PLAA: variants seen among roughly 807,000 people sequenced by gnomAD.
PLAA encodes the protein phospholipase A-2-activating protein.
In PLAA, 48 loss-of-function variants were observed where a neutral mutation model predicts 84.1. The ratio of observed to expected loss-of-function variants is 0.57; its 90% confidence interval spans 0.45 to 0.73. The LOEUF is 0.73. Among genes scored for constraint, PLAA ranks in the 30% least tolerant of loss-of-function variants. The probability of loss-of-function intolerance (pLI) is 0.00; values close to 1 mark genes in which losing one functional copy is unlikely to be tolerated. For synonymous variants in PLAA, 392 were observed against 336.6 expected, an observed-to-expected ratio of 1.16 and a Z score of -1.80; for missense variants, 903 against 954.7, an observed-to-expected ratio of 0.95 and a Z score of 0.71.
At chr9:26,946,121 G>A (rs1167673642) in intron 1 of PLAA, among the ~76,000 whole-genome samples, 3 of 152,140 alleles carry the variant, frequency 2.0e-5, no homozygotes, top group Non-Finnish European at 4.4e-5. Context: ...CTAGCAGTGG[G>A]AGACCTACTA....
At chr9:26,915,285 C>A (rs1314101167) in intron 10 of PLAA, among the ~76,000 whole-genome samples, 1 of 151,772 alleles carries the variant, frequency 6.6e-6, no homozygotes, top group Non-Finnish European at 1.5e-5. Flanking sequence ...GGTGAGAGAT[C>A]AGAGCATGAA....
At chr9:26,942,272 C>CA (rs1825566508) in intron 1 of PLAA, among the ~76,000 whole-genome samples, 1 of 152,028 alleles carries the variant, frequency 6.6e-6, no homozygotes, top group Non-Finnish European at 1.5e-5. Context: ...AATAAAAATC[C>CA]AACATATGAG....
chr9:26,921,295 G>C (rs1449795298), intron 7 of PLAA, among the ~76,000 whole-genome samples: 1 of 152,112 alleles, frequency 6.6e-6, no homozygotes, highest in Admixed American at 6.6e-5. Flanking sequence ...TCCATCCTCC[G>C]AAGAATCATG....
chr9:26,910,475 G>T, intron 11 of PLAA, 36 bp from the exon 12 acceptor site: 1 of 1,497,896 alleles, frequency 6.7e-7, no homozygotes, highest in Non-Finnish European at 9.3e-7. Context: ...TAATCACAAG[G>T]AGTGATCAAA....
In PLAA at chr9:26,926,479, C is replaced by T. The variant is rs758563398; in HGVS notation, c.647G>A (p.Arg216Lys). ...AAGACACTCGCCAGTGATTTGCCAC[C>T]TTCTAATACTAGCATCATTTGCACA... ...LSCANDASIR[R>K]WQITGECLEV... Residue 216 changes from arginine to lysine, a missense_variant, in exon 5 of 14, where the codon AGG becomes AAG. Transcript: ENST00000397292. 6.2e-7 allele frequency: 1 copy of T among 1,612,786 alleles called. No homozygotes were observed. The highest frequency in any genetic ancestry group is 1.1e-5 in the South Asian group (1 of 91,056).
intron 7 of PLAA, 142 bp downstream of exon 7, chr9:26,923,036 T>C: frequency 1.8e-6 from 1 of 568,882 alleles, no homozygotes; most frequent in Non-Finnish European, 3.1e-6. Context: ...TTTCTCATAG[T>C]GATTATATGT....
chr9:26,930,581 A>ATT (rs35790139), intron 2 of PLAA, among the ~76,000 whole-genome samples: 4 of 139,154 alleles, frequency 2.9e-5, no homozygotes, highest in Admixed American at 7.2e-5. Flanking sequence ...CATCACTGAG[A>ATT]TTTTTTTTTT....
intron 1 of PLAA, among the ~76,000 whole-genome samples, chr9:26,937,074 A>G (rs1825383096): frequency 6.6e-6 from 1 of 151,868 alleles, no homozygotes; most frequent in South Asian, 2.1e-4. Context: ...CCGGGAGGAG[A>G]AGGTTGCAGT....
chr9:26,941,617 G>GA lies in PLAA; in HGVS notation c.149+5279dup, dbSNP rs112180111. Among the ~76,000 whole-genome samples the GA allele has an allele frequency of 4.9e-4, 74 of 152,246 alleles. No homozygotes were observed. The East Asian group carries it at 0.013, about 27-fold the overall frequency. Reference sequence around the variant, plus strand: ...AGATGAGAAAAAAACCAATATGGAGGAAAACAGACCATTAAGGAGGAAATA... The same window carrying GA: ...AGATGAGAAAAAAACCAATATGGAGGAAAAACAGACCATTAAGGAGGAAATA... On this transcript the variant is annotated intron_variant, in intron 1 of 13. Coordinates refer to ENST00000397292, the MANE Select transcript of PLAA (RefSeq NM_001031689.3).
At chr9:26,915,722 A>C in intron 10 of PLAA, 4 of 985,112 alleles carry the variant, frequency 4.1e-6, no homozygotes, top group Non-Finnish European at 3.6e-6. Flanking sequence ...GCATATCTAC[A>C]TAATTACTGC....
chr9:26,920,159 G>A, intron 8 of PLAA, 68 bp downstream of exon 8: 1 of 1,342,076 alleles, frequency 7.5e-7, no homozygotes, highest in Admixed American at 1.7e-5. Flanking sequence ...ATCACTATGG[G>A]GCAAAGGAAA....
At chr9:26,937,789 A>AT (rs1256536723) in intron 1 of PLAA, among the ~76,000 whole-genome samples, 1 of 152,140 alleles carries the variant, frequency 6.6e-6, no homozygotes, top group Admixed American at 6.5e-5. Flanking sequence ...TTGAAGACAG[A>AT]TTCAAGCAAG....
At chr9:26,916,738 C>T in intron 10 of PLAA, 1 of 964,938 alleles carries the variant, frequency 1.0e-6, no homozygotes, top group African/African-American at 1.8e-5. Context: ...TAGGCTCAGA[C>T]AGGTTAGGTA....
chr9:26,919,200 T>C (rs1182013293), intron 9 of PLAA, 110 bp downstream of exon 9: 3 of 601,270 alleles, frequency 5.0e-6, no homozygotes, highest in East Asian at 5.4e-5. Flanking sequence ...AACCCTGCTG[T>C]AGATATTGGT....
chr9:26,925,769 G>A, intron 6 of PLAA, 56 bp downstream of exon 6: 5 of 1,521,016 alleles, frequency 3.3e-6, no homozygotes, highest in Non-Finnish European at 3.6e-6. Flanking sequence ...GTACACTCTA[G>A]TTCCTACTGA....
At chr9:26,911,340 A>T (rs1824391280) in intron 11 of PLAA, among the ~76,000 whole-genome samples, 1 of 152,136 alleles carries the variant, frequency 6.6e-6, no homozygotes, top group Non-Finnish European at 1.5e-5. Flanking sequence ...TTTAGTAGAG[A>T]CAGGGTTTCA....
At chr9:26,924,470 G>A (rs768032074) in intron 6 of PLAA, among the ~76,000 whole-genome samples, 42 of 152,194 alleles carry the variant, frequency 2.8e-4, no homozygotes, top group South Asian at 1.0e-3. Context: ...GCATTATAGA[G>A]TAGTCTATGA....
chr9:26,946,869 C>A (rs1371638803), intron 1 of PLAA, 28 bp downstream of exon 1: 3 of 1,549,310 alleles, frequency 1.9e-6, no homozygotes, highest in Admixed American at 1.9e-5. Flanking sequence ...TGCAACACAG[C>A]CGGGGCAACC....
Position 26,917,122 on chromosome 9 carries a change from TG to T in PLAA, c.1460del (p.Thr487AsnfsTer45), listed in dbSNP as rs1457945816. On this transcript the variant is annotated frameshift_variant, in exon 10 of 14. Coordinates refer to ENST00000397292, the MANE Select transcript of PLAA (RefSeq NM_001031689.3). LOFTEE classifies it high-confidence loss of function. ...CTGTAAAAGGATCTGCTGTGGGTAG[TG>T]TGTTAGAAGATCCCGAAGAGCCCGG... ...YVPGSSGSSN[T>X]LPTADPFTGA... 6.2e-7 allele frequency: 1 copy of T among 1,613,746 alleles called. No homozygotes were observed. The highest frequency in any genetic ancestry group is 8.5e-7 in the Non-Finnish European group (1 of 1,179,850).
Sources: allele counts gnomAD v4.1 joint callset (sites outside exome capture counted in the v4.1 genomes callset), GRCh38; gene constraint gnomAD v4.1.1; transcripts MANE v1.5; gene names NCBI Gene and HGNC (gene_info 2026-07-23, HGNC 2026-07-21).